The following MAP2K5 variants were observed in gnomAD, a reference collection of about 807,000 sequenced individuals.
MAP2K5 encodes the protein mitogen-activated protein kinase kinase 5, also known as dual specificity mitogen-activated protein kinase kinase 5.
Under a neutral mutation model 83.1 loss-of-function variants are expected in MAP2K5, and 49 were observed. The observed-to-expected ratio is 0.59, with a 90% CI of 0.47 to 0.75. The LOEUF is 0.75. Among genes scored for constraint, MAP2K5 ranks in the 30% least tolerant of loss-of-function variants. The probability of loss-of-function intolerance (pLI) is 0.00; values close to 1 mark genes in which losing one functional copy is unlikely to be tolerated. For synonymous variants in MAP2K5, 202 were observed against 191.8 expected (o/e 1.05, Z -0.44); for missense variants, 457 against 557.5 (o/e 0.82, Z 1.82).
chr15:67,757,594 A>T lies in MAP2K5; in HGVS notation c.1134+8993A>T, dbSNP rs756569307. Among the ~76,000 whole-genome samples, 3 of 152,194 alleles carry T rather than the reference A, an allele frequency of 2.0e-5. No homozygotes were observed. The highest frequency in any genetic ancestry group is 2.9e-5 in the Non-Finnish European group (2 of 68,032). Reference sequence around the variant, plus strand: ...AATCCCAGAGCTCGGTACCGGGGATAGAGAATGAATAAGATGCTCTTTCCA... The same window carrying T: ...AATCCCAGAGCTCGGTACCGGGGATTGAGAATGAATAAGATGCTCTTTCCA... On this transcript the variant is annotated intron_variant, in intron 19 of 21. Coordinates refer to ENST00000178640, the MANE Select transcript of MAP2K5 (RefSeq NM_145160.3). The surrounding 1 kb of genome is among the most constrained non-coding windows in gnomAD (Gnocchi z 4.9).
intron 16 of MAP2K5, among the ~76,000 whole-genome samples, chr15:67,714,455 A>C (rs1259439774): frequency 2.3e-4 from 28 of 121,244 alleles, no homozygotes; most frequent in African/African-American, 4.7e-4. Flanking sequence ...AAAAAAAAAA[A>C]CCACCACCCT....
At chr15:67,624,415 C>T (rs1326664254) in intron 8 of MAP2K5, among the ~76,000 whole-genome samples, 1 of 149,930 alleles carries the variant, frequency 6.7e-6, no homozygotes, top group Non-Finnish European at 1.5e-5. Context: ...GTCCCATTTG[C>T]TCTTCTGCCT....
chr15:67,580,534 A>G (rs1252253524), intron 3 of MAP2K5, among the ~76,000 whole-genome samples: 2 of 92,674 alleles, frequency 2.2e-5, no homozygotes, highest in Non-Finnish European at 5.3e-5. Context: ...CAACACTTTT[A>G]CTCTTAAAGA....
At chr15:67,691,821 G>A (rs1357209349) in intron 13 of MAP2K5, among the ~76,000 whole-genome samples, 1 of 152,148 alleles carries the variant, frequency 6.6e-6, no homozygotes, top group East Asian at 1.9e-4. Flanking sequence ...TATAACAGCA[G>A]CCAAAAATAA....
At chr15:67,544,109 A>T (rs1360015351) in intron 1 of MAP2K5, among the ~76,000 whole-genome samples, 1 of 152,230 alleles carries the variant, frequency 6.6e-6, no homozygotes, top group African/African-American at 2.4e-5. Flanking sequence ...CATGTTGCCC[A>T]GGCTGGTCTT....
Position 67,637,924 on chromosome 15 carries a change from G to GTGTA in MAP2K5, c.585+7000_585+7001insATGT, listed in dbSNP as rs1287631795. On this transcript the variant is annotated intron_variant, in intron 9 of 21. Transcript: ENST00000178640. This position sits in a 1 kb window ranked among gnomAD's most constrained non-coding sequence, Gnocchi z 4.5. ...GAAGCCTGTTGATGTGTGTGTGAGT[G>GTGTA]TGTGTGTATGTGTGTTTTAGTACCT... Among the ~76,000 whole-genome samples, 1 of 151,092 alleles carries GTGTA rather than the reference G, an allele frequency of 6.6e-6. No homozygotes were observed. The highest frequency in any genetic ancestry group is 1.9e-4 in the East Asian group (1 of 5,174).
At chr15:67,666,049 T>A (rs893761906) in intron 13 of MAP2K5, among the ~76,000 whole-genome samples, 5 of 152,188 alleles carry the variant, frequency 3.3e-5, no homozygotes, top group African/African-American at 1.2e-4. Flanking sequence ...AAAATGGACA[T>A]CTATCCATTT....
At chr15:67,629,099 T>C in intron 8 of MAP2K5, 1 of 734,488 alleles carries the variant, frequency 1.4e-6, no homozygotes, top group East Asian at 2.5e-5. Context: ...GCGGTTCCAG[T>C]AGCAGCAGTA....
chr15:67,745,721 A>G (rs1052629415), intron 17 of MAP2K5, among the ~76,000 whole-genome samples: 3 of 152,250 alleles, frequency 2.0e-5, no homozygotes, highest in Admixed American at 2.0e-4. Flanking sequence ...TCTATGGTCT[A>G]TGTGGCATTC....
chr15:67,727,792 A>T (rs946619736), intron 16 of MAP2K5, 124 bp from the exon 17 acceptor site: 14 of 780,910 alleles, frequency 1.8e-5, no homozygotes, highest in Middle Eastern at 2.3e-4. Flanking sequence ...TAGTTTGTAC[A>T]TTCAAGGTTG....
Position 67,690,330 on chromosome 15 carries a change from A to G in MAP2K5, c.848-2149A>G, listed in dbSNP as rs556806716. 6.6e-6 allele frequency among the ~76,000 whole-genome samples: 1 copy of G among 152,230 alleles called. No homozygotes were observed. Among genetic ancestry groups the G allele is most frequent in the East Asian group, 1.9e-4 (1 of 5,188 alleles). The stretch of plus-strand genomic sequence containing the variant: ...CTACTGGGGCACACTTGAAAGCACA[A>G]CCCTGTTCTTAAGGAATTCATGTTC... On this transcript the variant is annotated intron_variant, in intron 13 of 21. Transcript: ENST00000178640. The surrounding 1 kb of genome is among the most constrained non-coding windows in gnomAD (Gnocchi z 4.3).
chr15:67,700,448 G>A (rs1252949060), intron 15 of MAP2K5, among the ~76,000 whole-genome samples: 1 of 152,164 alleles, frequency 6.6e-6, no homozygotes, highest in Non-Finnish European at 1.5e-5. Flanking sequence ...ATGTGAGAGA[G>A]TAACCTCAGT....
At chr15:67,658,901 G>A in intron 12 of MAP2K5, 1 of 470,422 alleles carries the variant, frequency 2.1e-6, no homozygotes, top group African/African-American at 2.0e-5. Context: ...AAAAAAAAAT[G>A]CTGTTTTTTG....
intron 8 of MAP2K5, among the ~76,000 whole-genome samples, chr15:67,606,421 A>C (rs1020489894): frequency 1.3e-5 from 2 of 152,208 alleles, no homozygotes; most frequent in African/African-American, 4.8e-5. Context: ...TACAATGGGT[A>C]GTATATATAC....
chr15:67,726,453 A>C (rs750881340), intron 16 of MAP2K5, among the ~76,000 whole-genome samples: 58 of 152,256 alleles, frequency 3.8e-4, no homozygotes, highest in Non-Finnish European at 6.9e-4. Flanking sequence ...TGAGGGGTAT[A>C]ATTTTAAATC....
At chr15:67,754,786 G>C (rs1043001124) in intron 19 of MAP2K5, among the ~76,000 whole-genome samples, 21 of 152,148 alleles carry the variant, frequency 1.4e-4, no homozygotes, top group Non-Finnish European at 2.6e-4. Context: ...GGCCCAAAGT[G>C]AAGCTAGAAA....
intron 8 of MAP2K5, among the ~76,000 whole-genome samples, chr15:67,623,041 G>A (rs980347618): frequency 6.6e-6 from 1 of 152,210 alleles, no homozygotes; most frequent in Admixed American, 6.5e-5. Context: ...TTTGGAGCTT[G>A]CAGTGAGCCA....
intron 8 of MAP2K5, among the ~76,000 whole-genome samples, chr15:67,608,689 A>G (rs1005034919): frequency 2.0e-5 from 3 of 152,188 alleles, no homozygotes; most frequent in African/African-American, 4.8e-5. Flanking sequence ...GCTCCATGAC[A>G]GCTGACTTAA....
rs1036378558 is a variant in MAP2K5, at chr15:67,801,047, C to A, written c.1243-5599C>A. 6.6e-6 allele frequency among the ~76,000 whole-genome samples: 1 copy of A among 152,032 alleles called. No individual in the cohort carries two copies. The highest frequency in any genetic ancestry group is 2.4e-5 in the African/African-American group (1 of 41,368). ...AAATTTTCTTAACAGAATTTGAAAC[C>A]GCTGCAGAGCCCCCAAAGCACCTCA... On this transcript the variant is annotated intron_variant, in intron 21 of 21. Transcript: ENST00000178640. The surrounding 1 kb of genome is among the most constrained non-coding windows in gnomAD (Gnocchi z 4.8).
Sources: gnomAD v4.1 joint callset for allele counts (sites outside exome capture counted in the v4.1 genomes callset) on GRCh38, gnomAD v4.1.1 for gene constraint, Gnocchi (gnomAD v3.1) non-coding constraint, MANE v1.5 for transcripts, NCBI Gene and HGNC (gene_info 2026-07-23, HGNC 2026-07-21) for gene names.